Variants in CEP112 observed in about 807,000 individuals in gnomAD.
CEP112 encodes centrosomal protein of 112 kDa.
CEP112 carries 127 observed loss-of-function variants against 153.0 expected under a neutral mutation model. The observed-to-expected ratio is 0.83, with a 90% confidence interval of 0.72 to 0.96. The LOEUF (loss-of-function observed/expected upper bound fraction) is 0.96, where lower values mean the gene tolerates loss of function less well. Among genes scored for constraint, CEP112 ranks in the 40% least tolerant of loss-of-function variants. The probability of loss-of-function intolerance (pLI) is 0.00; values close to 1 mark genes in which losing one functional copy is unlikely to be tolerated. For missense variants in CEP112, 1,089 were observed against 1,101.2 expected (o/e 0.99, Z 0.16); for synonymous variants, 358 against 374.4 (o/e 0.96, Z 0.51).
At chr17:65,913,666 G>A in intron 19 of CEP112, 2 of 985,356 alleles carry the variant, frequency 2.0e-6, no homozygotes, top group South Asian at 9.4e-5. Flanking sequence ...CGCTGTTAGA[G>A]ATGGTACCAG....
chr17:65,994,091 A>G (rs2063695158), intron 17 of CEP112, among the ~76,000 whole-genome samples: 1 of 152,068 alleles, frequency 6.6e-6, no homozygotes, highest in African/African-American at 2.4e-5. Flanking sequence ...TGAGCAGAAG[A>G]CATCTCCAGT....
Position 65,902,251 on chromosome 17 carries a change from T to G in CEP112, c.2064A>C (p.Arg688=). The stretch of plus-strand genomic sequence containing the variant: ...GGTTTTCAATTTCCCGTTCATGGTC[T>G]CGGACTAGGCTATCCTTCTCTGCGT... ...QHNAEKDSLV[R]DHEREIENLE... Residue 688 remains arginine (R), a synonymous_variant, in exon 20 of 27, where the codon CGA becomes CGC. Coordinates refer to ENST00000535342, the MANE Select transcript of CEP112 (RefSeq NM_001199165.4). The G allele has an allele frequency of 1.2e-6, 2 of 1,614,060 alleles. No individual in the cohort carries two copies. The highest frequency in any genetic ancestry group is 1.7e-6 in the Non-Finnish European group (2 of 1,179,962).
At chr17:65,959,021 G>A (rs1402693068) in intron 18 of CEP112, among the ~76,000 whole-genome samples, 1 of 151,866 alleles carries the variant, frequency 6.6e-6, no homozygotes, top group Non-Finnish European at 1.5e-5. Context: ...AGCTGCAGAT[G>A]TCAGGACAAC....
At chr17:65,749,820 T>C (rs959239164) in intron 22 of CEP112, among the ~76,000 whole-genome samples, 2 of 92,422 alleles carry the variant, frequency 2.2e-5, no homozygotes, top group African/African-American at 6.7e-5. Context: ...CATTATGTGG[T>C]AGTATGGTAA....
intron 11 of CEP112, among the ~76,000 whole-genome samples, chr17:66,060,996 T>C (rs1176551023): frequency 6.6e-6 from 1 of 150,830 alleles, no homozygotes; most frequent in African/African-American, 2.4e-5. Context: ...GGAAAATACA[T>C]TTGCAAATTA....
At position 66,154,003 on chromosome 17, in the gene CEP112, G is replaced by A. The variant is rs1471239478; in HGVS notation, c.470+21041C>T. ...CAGAATGAAACCCTATCTCTACTAA[G>A]AAAAAAAAAAAAAAAAAATACAAAA... On this transcript the variant is annotated intron_variant, in intron 4 of 26. Transcript: ENST00000535342. Among the ~76,000 whole-genome samples the A allele has an allele frequency of 3.0e-4, 40 of 134,324 alleles. 1 individual carries two copies. The highest frequency in any genetic ancestry group is 3.9e-3 in the Middle Eastern group (1 of 258). The allele number at this position is 134,324 out of a possible 152,430, so 88.1% of individuals were successfully genotyped here.
chr17:65,904,578 T>G (rs930031179), intron 19 of CEP112, among the ~76,000 whole-genome samples: 4 of 152,238 alleles, frequency 2.6e-5, no homozygotes, highest in African/African-American at 9.6e-5. Flanking sequence ...CCATTGACTT[T>G]CTTCACAGAA....
At chr17:65,790,881 C>T (rs1335834099) in intron 21 of CEP112, among the ~76,000 whole-genome samples, 1 of 152,176 alleles carries the variant, frequency 6.6e-6, no homozygotes, top group Admixed American at 6.5e-5. Flanking sequence ...TTGGCAGAAT[C>T]ACTGCTAAAC....
chr17:66,046,714 T>A (rs751575115), intron 12 of CEP112, among the ~76,000 whole-genome samples: 6 of 152,154 alleles, frequency 3.9e-5, no homozygotes, highest in Admixed American at 3.9e-4. Flanking sequence ...AATGATATCA[T>A]ACTGGATTAG....
At chr17:66,097,191 A>G (rs1221180413) in intron 6 of CEP112, among the ~76,000 whole-genome samples, 2 of 152,170 alleles carry the variant, frequency 1.3e-5, no homozygotes, top group Non-Finnish European at 2.9e-5. Context: ...TTCCAAGGAC[A>G]CCAGACAATT....
At chr17:66,105,865 T>C (rs2068762331) in intron 6 of CEP112, among the ~76,000 whole-genome samples, 1 of 152,170 alleles carries the variant, frequency 6.6e-6, no homozygotes, top group African/African-American at 2.4e-5. Flanking sequence ...CATCCACATA[T>C]GGATTATCCA....
At chr17:65,807,592 G>C (rs140180111) in intron 21 of CEP112, among the ~76,000 whole-genome samples, 11 of 152,276 alleles carry the variant, frequency 7.2e-5, no homozygotes, top group Non-Finnish European at 1.5e-4. Flanking sequence ...GTGCAGCCTG[G>C]GGACATGGCA....
chr17:66,053,751 C>T lies in CEP112; in HGVS notation c.1203G>A (p.Ala401=), dbSNP rs187096528. 2.1e-4 allele frequency: 344 copies of T among 1,612,412 alleles called. 1 individual carries two copies. The Admixed American group carries it at 2.4e-3, about 11-fold the overall frequency. ...AAAGACTCACTGTGGACTGTGTTTG[C>T]GCCATGTATTCACTCTCCATTTTAT... The part of the protein sequence containing the change: ...RLNKMESEYM[A]QTQSTNHMIK... Residue 401 remains alanine, a synonymous_variant, in exon 12 of 27, where the codon GCG becomes GCA. Coordinates refer to ENST00000535342, the MANE Select transcript of CEP112 (RefSeq NM_001199165.4).
chr17:65,841,466 G>A (rs551740854), intron 21 of CEP112, among the ~76,000 whole-genome samples: 13 of 152,134 alleles, frequency 8.5e-5, no homozygotes, highest in African/African-American at 2.9e-4. Flanking sequence ...ATGCAGGTGA[G>A]AGTAGAATGA....
At chr17:65,981,891 T>C (rs1786215069) in intron 17 of CEP112, among the ~76,000 whole-genome samples, 1 of 152,068 alleles carries the variant, frequency 6.6e-6, no homozygotes, top group South Asian at 2.1e-4. Flanking sequence ...ATTTTTTGGA[T>C]TTGCAAATAT....
intron 21 of CEP112, among the ~76,000 whole-genome samples, chr17:65,828,706 T>G (rs1027944183): frequency 6.6e-6 from 1 of 152,088 alleles, no homozygotes; most frequent in Non-Finnish European, 1.5e-5. Context: ...TTTATCAGTA[T>G]AGTAATTTAT....
intron 8 of CEP112, among the ~76,000 whole-genome samples, chr17:66,075,796 C>A (rs1197874187): frequency 6.6e-6 from 1 of 152,114 alleles, no homozygotes; most frequent in Non-Finnish European, 1.5e-5. Flanking sequence ...CAAGAATGAA[C>A]CAGGAACCCC....
chr17:65,647,273 A>G (rs1224580926), intron 24 of CEP112, among the ~76,000 whole-genome samples: 1 of 147,898 alleles, frequency 6.8e-6, no homozygotes, highest in Non-Finnish European at 1.5e-5. Flanking sequence ...TCCTGGGTTC[A>G]AGCGATTCTC....
At chr17:65,808,049 C>A (rs993392808) in intron 21 of CEP112, among the ~76,000 whole-genome samples, 43 of 152,386 alleles carry the variant, frequency 2.8e-4, no homozygotes, top group African/African-American at 1.0e-3. Flanking sequence ...CAGTACCCTG[C>A]AGAGCCACAG....
Sources: allele counts gnomAD v4.1 joint callset (sites outside exome capture counted in the v4.1 genomes callset), GRCh38; gene constraint gnomAD v4.1.1; transcripts MANE v1.5; gene names NCBI Gene and HGNC (gene_info 2026-07-23, HGNC 2026-07-21).